The following TMEM53 variants were observed in gnomAD, a reference collection of about 807,000 sequenced individuals.
The protein encoded by TMEM53 is novel DUF829 domain-containing protein.
Under a neutral mutation model 21.4 loss-of-function variants are expected in TMEM53, and 14 were observed. The ratio of observed to expected loss-of-function variants is 0.65; its 90% CI spans 0.43 to 1.02. TMEM53 has a LOEUF of 1.02. Ranked by LOEUF, TMEM53 falls within the 50% of genes least tolerant of loss-of-function variation. The probability of loss-of-function intolerance (pLI) is 0.00; values close to 1 mark genes in which losing one functional copy is unlikely to be tolerated. For missense variants in TMEM53, 323 were observed against 383.6 expected, an observed-to-expected ratio of 0.84 and a Z score of 1.32; for synonymous variants, 148 against 157.4, an observed-to-expected ratio of 0.94 and a Z score of 0.45.
At position 44,655,566 on chromosome 1, in the gene TMEM53, G is replaced by A. The variant is rs143773498; in HGVS notation, c.184-357C>T. Among the ~76,000 whole-genome samples, 160 of 152,178 alleles carry A rather than the reference G, an allele frequency of 1.1e-3. 2 individuals are homozygous for A. The highest frequency in any genetic ancestry group is 3.8e-3 in the Admixed American group (58 of 15,296). On this transcript the variant is annotated intron_variant, in intron 2 of 2. Coordinates refer to ENST00000372237, the MANE Select transcript of TMEM53 (RefSeq NM_024587.4). The surrounding 1 kb of genome is among the most constrained non-coding windows in gnomAD (Gnocchi z 4.4). ...TCTGGTTCCCTCCTGTCTGTGCCCC[G>A]CACTCCCATCCTAGGCCTTGCACAT...
Position 44,654,434 on chromosome 1 carries a change from T to C in TMEM53, c.*125A>G. ...AGACAGGCCCATAGGAATTTTCTACTTAGGGGACCGCAAAGTCCCAAAGGG... is the reference window on the plus strand; with the variant it reads ...AGACAGGCCCATAGGAATTTTCTACCTAGGGGACCGCAAAGTCCCAAAGGG... On this transcript the variant is annotated 3_prime_UTR_variant, in exon 3 of 3. Transcript: ENST00000372237. The surrounding 1 kb of genome is among the most constrained non-coding windows in gnomAD (Gnocchi z 7.0). The C allele has an allele frequency of 8.6e-7, 1 of 1,168,116 alleles. No homozygotes were observed. The highest frequency in any genetic ancestry group is 1.2e-6 in the Non-Finnish European group (1 of 826,740). 72.4% of individuals were successfully genotyped at this position (1,168,116 alleles called of 1,614,324 possible). A position where few individuals can be genotyped will look rare whatever the true frequency, so the allele number is the denominator to read the frequency against.
rs962932448 is a variant in TMEM53, at chr1:44,659,681, G to A, written c.183+493C>T. On this transcript the variant is annotated intron_variant, in intron 2 of 2. Transcript: ENST00000372237. ...GCCAGTTAATAGGGACTGGAGCCTGGGCTGACTCTACAACTGTAGGGCACA... is the reference window on the plus strand; with the variant it reads ...GCCAGTTAATAGGGACTGGAGCCTGAGCTGACTCTACAACTGTAGGGCACA... 2.0e-5 allele frequency among the ~76,000 whole-genome samples: 3 copies of A among 152,122 alleles called. No homozygotes were observed. In the East Asian group the frequency reaches 5.8e-4, roughly 29 times the overall value.
intron 1 of TMEM53, among the ~76,000 whole-genome samples, chr1:44,669,355 AT>A (rs1644978710): frequency 6.6e-6 from 1 of 152,082 alleles, no homozygotes; most frequent in Admixed American, 6.5e-5. Context: ...GCTGTTTCCA[AT>A]TTTTTGCTGT....
At chr1:44,661,287 G>T (rs1310871894) in intron 1 of TMEM53, among the ~76,000 whole-genome samples, 2 of 152,270 alleles carry the variant, frequency 1.3e-5, no homozygotes, top group Middle Eastern at 6.8e-3. Flanking sequence ...CTGGAGGGCA[G>T]TGGCACGATC....
Position 44,667,219 on chromosome 1 carries a change from A to ACATTTCAC in TMEM53, c.62-6925_62-6924insGTGAAATG, listed in dbSNP as rs1644955999. 3.3e-5 allele frequency among the ~76,000 whole-genome samples: 5 copies of ACATTTCAC among 152,124 alleles called. No individual in the cohort carries two copies. In the South Asian group the frequency reaches 1.0e-3, roughly 31 times the overall value. ...TAATGTTATTATTTTTAAAAATAAT[A>ACATTTCAC]GTAATACATTAAGTGAAAACACAAG... On this transcript the variant is annotated intron_variant, in intron 1 of 2. Transcript: ENST00000372237.
intron 1 of TMEM53, among the ~76,000 whole-genome samples, chr1:44,664,789 C>T (rs1644933284): frequency 6.6e-6 from 1 of 152,148 alleles, no homozygotes; most frequent in African/African-American, 2.4e-5. Flanking sequence ...TGCAACCATC[C>T]TAGGAGTTAG....
intron 2 of TMEM53, among the ~76,000 whole-genome samples, chr1:44,658,094 A>C (rs1338359281): frequency 6.6e-6 from 1 of 151,978 alleles, no homozygotes; most frequent in African/African-American, 2.4e-5. Context: ...AGATTCTGCC[A>C]CACCTTCCTG....
chr1:44,670,169 T>A (rs1644986436), intron 1 of TMEM53, among the ~76,000 whole-genome samples: 4 of 103,796 alleles, frequency 3.9e-5, no homozygotes, highest in Non-Finnish European at 5.4e-5. Flanking sequence ...TCCTCTGTAT[T>A]AAAAAAAAAA....
chr1:44,665,680 TTATAA>T (rs1644943096), intron 1 of TMEM53, among the ~76,000 whole-genome samples: 1 of 150,826 alleles, frequency 6.6e-6, no homozygotes. Context: ...GTAATTCCAC[TTATAA>T]GAAAGAAAAA....
At position 44,674,427 on chromosome 1, in the gene TMEM53, C is replaced by T; in HGVS notation, c.-36G>A. On this transcript the variant is annotated 5_prime_UTR_variant, in exon 1 of 3. Coordinates refer to ENST00000372237, the MANE Select transcript of TMEM53 (RefSeq NM_024587.4). ...CCGGCCCAGAGCACGGGTCTCCAGC[C>T]GGAACTCCCGCTTGCGCACCCGTGC... The T allele has an allele frequency of 6.3e-7, 1 of 1,590,088 alleles. No homozygotes were observed. The highest frequency in any genetic ancestry group is 1.4e-5 in the African/African-American group (1 of 74,068).
At chr1:44,667,599 C>T (rs554148313) in intron 1 of TMEM53, among the ~76,000 whole-genome samples, 11 of 152,098 alleles carry the variant, frequency 7.2e-5, no homozygotes, top group Admixed American at 2.0e-4. Flanking sequence ...TGAGTCACCG[C>T]GCCCAGCCAT....
In TMEM53 at chr1:44,654,634, G is replaced by A. The variant is rs146854533; in HGVS notation, c.759C>T (p.Val253=). 232 of 1,614,014 alleles carry A rather than the reference G, an allele frequency of 1.4e-4. No homozygotes were observed. In the African/African-American group the frequency reaches 1.6e-3, roughly 11 times the overall value. ...AAGTAGGGTAGTCACGGAGGTGGCT[G>A]ACGTGTGCAGATGACACGAAATCCA... ...RSVDFVSSAH[V]SHLRDYPTYY... Residue 253 remains valine (V), a synonymous_variant, in exon 3 of 3, where the codon GTC becomes GTT. Coordinates refer to ENST00000372237, the MANE Select transcript of TMEM53 (RefSeq NM_024587.4). This position sits in a 1 kb window ranked among gnomAD's most constrained non-coding sequence, Gnocchi z 7.0.
At chr1:44,659,590 A>T (rs1644880545) in intron 2 of TMEM53, among the ~76,000 whole-genome samples, 1 of 152,224 alleles carries the variant, frequency 6.6e-6, no homozygotes, top group African/African-American at 2.4e-5. Flanking sequence ...GGAAAGGAGG[A>T]GGTCCTGGGA....
intron 2 of TMEM53, among the ~76,000 whole-genome samples, chr1:44,659,883 G>A (rs1183612696): frequency 5.5e-5 from 7 of 126,154 alleles, no homozygotes; most frequent in Admixed American, 8.9e-5. Context: ...TTTTTGAGAC[G>A]GAATCTCACC....
chr1:44,657,953 C>T (rs530648501), intron 2 of TMEM53, among the ~76,000 whole-genome samples: 2 of 152,212 alleles, frequency 1.3e-5, no homozygotes, highest in South Asian at 4.1e-4. Flanking sequence ...CTACCCCTCC[C>T]CCAACCCTGC....
chr1:44,662,358 A>T (rs1212579744), intron 1 of TMEM53, among the ~76,000 whole-genome samples: 1 of 152,188 alleles, frequency 6.6e-6, no homozygotes, highest in Non-Finnish European at 1.5e-5. Context: ...TAAGGGAGAC[A>T]GTCCCACAGG....
intron 1 of TMEM53, among the ~76,000 whole-genome samples, chr1:44,669,839 C>G (rs1393218513): frequency 6.7e-6 from 1 of 150,112 alleles, no homozygotes; most frequent in South Asian, 2.1e-4. Context: ...GCTCTCGTTA[C>G]CTAGGCTGGA....
At chr1:44,659,434 T>G (rs962384355) in intron 2 of TMEM53, among the ~76,000 whole-genome samples, 2 of 152,194 alleles carry the variant, frequency 1.3e-5, no homozygotes, top group Non-Finnish European at 2.9e-5. Context: ...AACCAGGTCC[T>G]GCTAAGGCCC....
intron 1 of TMEM53, among the ~76,000 whole-genome samples, chr1:44,665,179 C>G (rs1242547681): frequency 2.0e-5 from 3 of 151,768 alleles, no homozygotes; most frequent in Non-Finnish European, 4.4e-5. Flanking sequence ...TTAACACACA[C>G]TATACTGACA....
Sources: gnomAD v4.1 joint callset for allele counts (sites outside exome capture counted in the v4.1 genomes callset) on GRCh38, gnomAD v4.1.1 for gene constraint, Gnocchi (gnomAD v3.1) non-coding constraint, MANE v1.5 for transcripts, NCBI Gene and HGNC (gene_info 2026-07-23, HGNC 2026-07-21) for gene names.